Variants in PDE10A observed in about 807,000 individuals in gnomAD.
PDE10A encodes the protein cAMP and cAMP-inhibited cGMP 3',5'-cyclic phosphodiesterase 10A.
A neutral mutation model predicts 97.7 loss-of-function variants in PDE10A; 39 were observed. The ratio of observed to expected loss-of-function variants is 0.40; its 90% CI spans 0.31 to 0.52. PDE10A has a LOEUF of 0.52. Among genes scored for constraint, PDE10A ranks in the 20% least tolerant of loss-of-function variants. The pLI, the probability that PDE10A is intolerant of heterozygous loss-of-function variation, is 0.56. For synonymous variants in PDE10A, 371 were observed against 376.8 expected, an observed-to-expected ratio of 0.98 and a Z score of 0.18; for missense variants, 731 against 1,047.8, an observed-to-expected ratio of 0.70 and a Z score of 4.17.
intron 2 of PDE10A, among the ~76,000 whole-genome samples, chr6:165,523,035 T>TAA (rs58561410): frequency 1.1e-4 from 16 of 148,148 alleles, no homozygotes; most frequent in African/African-American, 3.7e-4. Flanking sequence ...GCCACAAAAA[T>TAA]AAAAAAAAAT....
At chr6:165,896,338 G>A (rs1200553645) in intron 1 of PDE10A, among the ~76,000 whole-genome samples, 2 of 151,576 alleles carry the variant, frequency 1.3e-5, no homozygotes, top group Non-Finnish European at 1.5e-5. Flanking sequence ...TGCTTTATAT[G>A]TAATACATAT....
chr6:165,916,457 T>C (rs1782605663), intron 1 of PDE10A, among the ~76,000 whole-genome samples: 1 of 152,200 alleles, frequency 6.6e-6, no homozygotes, highest in Admixed American at 6.5e-5. Context: ...TTCAGTGAGT[T>C]TGTCATATCG....
chr6:165,867,772 T>A (rs1051795882), intron 1 of PDE10A, among the ~76,000 whole-genome samples: 8 of 152,126 alleles, frequency 5.3e-5, no homozygotes, highest in Non-Finnish European at 1.0e-4. Flanking sequence ...GACCATATGT[T>A]AGGCTGTAAT....
Position 165,485,468 on chromosome 6 carries a change from A to AAAAAAT in PDE10A, c.995-3126_995-3125insATTTTT, listed in dbSNP as rs1491390946. 1.9e-3 allele frequency among the ~76,000 whole-genome samples: 222 copies of AAAAAAT among 115,594 alleles called. 1 individual carries two copies. The highest frequency in any genetic ancestry group is 0.011 in the East Asian group (47 of 4,330). The allele number at this position is 115,594 out of a possible 152,430, so 75.8% of individuals were successfully genotyped here. On this transcript the variant is annotated intron_variant, in intron 2 of 21. Transcript: ENST00000539869. ...GGGTGACAGAGTGAGACTCTGTCTC[A>AAAAAAT]AAAAAAAAAAAAAAAAAAGACAAGT...
At chr6:165,942,184 C>T (rs911120973) in intron 1 of PDE10A, among the ~76,000 whole-genome samples, 3 of 152,042 alleles carry the variant, frequency 2.0e-5, no homozygotes, top group Non-Finnish European at 2.9e-5. Flanking sequence ...TTAGGGCTGC[C>T]AACAGCCACG....
chr6:165,401,154 G>A (rs955156412), intron 13 of PDE10A, among the ~76,000 whole-genome samples: 5 of 152,198 alleles, frequency 3.3e-5, no homozygotes, highest in East Asian at 1.9e-4. Flanking sequence ...ACAGTTGTAC[G>A]TTATTGTGTA....
At chr6:165,822,948 C>T (rs1267175103) in intron 1 of PDE10A, among the ~76,000 whole-genome samples, 1 of 152,114 alleles carries the variant, frequency 6.6e-6, no homozygotes, top group Non-Finnish European at 1.5e-5. Context: ...CATTTTCCTC[C>T]TCAGCCTCCT....
intron 1 of PDE10A, among the ~76,000 whole-genome samples, chr6:165,739,616 A>C (rs1425771535): frequency 1.3e-5 from 2 of 150,906 alleles, no homozygotes; most frequent in African/African-American, 4.8e-5. Flanking sequence ...AATCACAGGC[A>C]ACAAAACAAA....
At chr6:165,727,400 G>A (rs1448811017) in intron 1 of PDE10A, among the ~76,000 whole-genome samples, 7 of 152,248 alleles carry the variant, frequency 4.6e-5, no homozygotes, top group Non-Finnish European at 8.8e-5. Flanking sequence ...TGCTGGCTGA[G>A]GGAGAGAGAG....
intron 1 of PDE10A, among the ~76,000 whole-genome samples, chr6:165,903,271 CT>C (rs1174368422): frequency 6.6e-6 from 1 of 152,172 alleles, no homozygotes; most frequent in African/African-American, 2.4e-5. Flanking sequence ...TTTTAAAAAA[CT>C]TTTTCTGCCT....
chr6:165,918,653 A>G (rs1444435476), intron 1 of PDE10A, among the ~76,000 whole-genome samples: 1 of 152,262 alleles, frequency 6.6e-6, no homozygotes, highest in Non-Finnish European at 1.5e-5. Context: ...CTCATAAAGC[A>G]CATTCGTTGA....
chr6:165,855,319 G>GGT (rs1491321400), intron 1 of PDE10A, among the ~76,000 whole-genome samples: 10 of 92,458 alleles, frequency 1.1e-4, no homozygotes, highest in African/African-American at 4.1e-4. Context: ...GGGGGGGGGG[G>GGT]ACTCAGGGGC....
rs574552524 is a variant in PDE10A, at chr6:165,654,255, C to T, written c.865+7692G>A. Among the ~76,000 whole-genome samples the T allele has an allele frequency of 1.2e-4, 19 of 152,246 alleles. No homozygotes were observed. In the South Asian group the frequency reaches 2.1e-3, roughly 17 times the overall value. The stretch of plus-strand genomic sequence containing the variant: ...CTTCTAAAACGTTCCCAGTCACTCC[C>T]GTCATCCTCCTCATTGTCCTGTTCC... On this transcript the variant is annotated intron_variant, in intron 1 of 21. Transcript: ENST00000539869.
At chr6:165,562,896 C>G (rs991634836) in intron 1 of PDE10A, among the ~76,000 whole-genome samples, 4 of 150,976 alleles carry the variant, frequency 2.6e-5, no homozygotes, top group Non-Finnish European at 5.9e-5. Flanking sequence ...CCAGTGACAT[C>G]TAGTGACATC....
intron 1 of PDE10A, among the ~76,000 whole-genome samples, chr6:165,699,802 T>A (rs12663799): frequency 0.091 from 13,848 of 152,066 alleles, 959 homozygotes; most frequent in East Asian, 0.23. Context: ...AGACATAGCA[T>A]ACCAAAACTT....
intron 21 of PDE10A, among the ~76,000 whole-genome samples, 180 bp from the exon 22 acceptor site, chr6:165,333,307 A>G (rs181334369): frequency 4.6e-5 from 7 of 152,204 alleles, no homozygotes; most frequent in African/African-American, 1.7e-4. Context: ...TTCAGGAAAG[A>G]GATTCAGAGG....
chr6:165,409,196 A>G (rs999670120), intron 13 of PDE10A, among the ~76,000 whole-genome samples: 3 of 151,708 alleles, frequency 2.0e-5, no homozygotes, highest in Non-Finnish European at 4.4e-5. Flanking sequence ...AAAAGGTAAT[A>G]AATTCCACAG....
intron 1 of PDE10A, among the ~76,000 whole-genome samples, chr6:165,776,261 C>G (rs1201963219): frequency 1.3e-5 from 2 of 152,094 alleles, no homozygotes; most frequent in South Asian, 4.1e-4. Context: ...TTAAACTTTT[C>G]TAAAGTAAAA....
intron 1 of PDE10A, among the ~76,000 whole-genome samples, chr6:165,830,136 G>A (rs1260489616): frequency 6.6e-6 from 1 of 152,190 alleles, no homozygotes; most frequent in Non-Finnish European, 1.5e-5. Flanking sequence ...GCTGTTTCAA[G>A]GTTGGAGGTG....
Sources: gnomAD v4.1 joint callset for allele counts (sites outside exome capture counted in the v4.1 genomes callset) on GRCh38, gnomAD v4.1.1 for gene constraint, MANE v1.5 for transcripts, NCBI Gene and HGNC (gene_info 2026-07-23, HGNC 2026-07-21) for gene names.